Variants in FYB2 observed in about 807,000 individuals in gnomAD.
FYB2 encodes the protein FYN binding protein 2, also known as FYN-binding protein 2.
In FYB2, 103 loss-of-function variants were observed where a neutral mutation model predicts 94.1. That is an observed-to-expected ratio of 1.09 (90% CI 0.93 to 1.29). The LOEUF (loss-of-function observed/expected upper bound fraction) is 1.29. Among genes scored for constraint, FYB2 ranks in the 50% most tolerant of loss-of-function variants. The pLI is 0.00. For missense variants in FYB2, 896 were observed against 841.5 expected (o/e 1.06, Z -0.80); for synonymous variants, 293 against 287.9 (o/e 1.02, Z -0.18).
intron 4 of FYB2, 56 bp downstream of exon 4, chr1:56,787,119 C>G (rs1646148695): frequency 3.1e-6 from 5 of 1,593,024 alleles, no homozygotes; most frequent in Non-Finnish European, 4.3e-6. Flanking sequence ...CTGGAGCAGT[C>G]TAAGTAGCCT....
intron 9 of FYB2, among the ~76,000 whole-genome samples, chr1:56,746,842 T>C (rs1440082015): frequency 6.6e-6 from 1 of 152,068 alleles, no homozygotes; most frequent in Non-Finnish European, 1.5e-5. Context: ...TCATAGGATA[T>C]GCATTATGTT....
intron 6 of FYB2, 113 bp downstream of exon 6, chr1:56,758,603 A>T (rs1645414719): frequency 3.7e-6 from 3 of 820,228 alleles, no homozygotes; most frequent in Non-Finnish European, 5.4e-6. Flanking sequence ...CCTCAGAAAT[A>T]GGAGGAAAAA....
intron 1 of FYB2, among the ~76,000 whole-genome samples, chr1:56,809,040 T>C (rs1042673690): frequency 6.6e-6 from 1 of 152,222 alleles, no homozygotes; most frequent in Non-Finnish European, 1.5e-5. Context: ...ACAATAGTTC[T>C]ACATCACTAT....
chr1:56,761,820 C>T (rs1447603795), intron 5 of FYB2: 2 of 152,054 alleles, frequency 1.3e-5, no homozygotes, highest in African/African-American at 4.8e-5. Context: ...TCTCTCCCTG[C>T]CTCTTTGAAA....
chr1:56,743,277 T>C (rs1274942915), intron 11 of FYB2, among the ~76,000 whole-genome samples: 1 of 152,046 alleles, frequency 6.6e-6, no homozygotes, highest in African/African-American at 2.4e-5. Flanking sequence ...CTTGGCATTA[T>C]GCTAGGGGCT....
intron 17 of FYB2, among the ~76,000 whole-genome samples, chr1:56,723,155 C>A (rs1357343791): frequency 6.6e-6 from 1 of 151,830 alleles, no homozygotes; most frequent in Admixed American, 6.6e-5. Context: ...TTGAATGAGA[C>A]AGGGTTTCTT....
At chr1:56,785,588 TTG>T (rs1646115535) in intron 4 of FYB2, among the ~76,000 whole-genome samples, 1 of 152,244 alleles carries the variant, frequency 6.6e-6, no homozygotes, top group African/African-American at 2.4e-5. Context: ...TTGAATAAGA[TTG>T]TCTTATCAAT....
chr1:56,776,648 G>A (rs1645883160), intron 4 of FYB2, among the ~76,000 whole-genome samples: 1 of 152,044 alleles, frequency 6.6e-6, no homozygotes, highest in Admixed American at 6.6e-5. Flanking sequence ...CTTCTTTGAG[G>A]TGCACTAACA....
intron 6 of FYB2, among the ~76,000 whole-genome samples, chr1:56,758,030 T>C (rs1022718233): frequency 3.3e-5 from 5 of 151,588 alleles, no homozygotes; most frequent in Admixed American, 3.3e-4. Context: ...CTGTCTGCCT[T>C]GGCCTCCCAA....
intron 5 of FYB2, among the ~76,000 whole-genome samples, chr1:56,761,699 C>T (rs1055773202): frequency 3.9e-5 from 6 of 152,194 alleles, no homozygotes; most frequent in African/African-American, 1.4e-4. Flanking sequence ...CAAGGATGGT[C>T]TTCCCTGTTT....
chr1:56,754,875 T>A (rs930671155), intron 7 of FYB2, among the ~76,000 whole-genome samples: 1 of 152,078 alleles, frequency 6.6e-6, no homozygotes, highest in African/African-American at 2.4e-5. Context: ...GACCTGTGCC[T>A]TACCATGTGA....
rs948030448 is a variant in FYB2, at chr1:56,789,503, T to C, written c.758-369A>G. ...TTTAGATAGCCTTAAAAAGCTCTCA[T>C]ATATCCAAAATTTTGTTCATGTTTT... On this transcript the variant is annotated intron_variant, in intron 2 of 19. Coordinates refer to ENST00000343433, the MANE Select transcript of FYB2 (RefSeq NM_001004303.5). Among the ~76,000 whole-genome samples, 4 of 152,240 alleles carry C rather than the reference T, an allele frequency of 2.6e-5. No individual in the cohort carries two copies. In the East Asian group the frequency reaches 5.8e-4, roughly 22 times the overall value.
chr1:56,804,857 C>A (rs1411070229), intron 1 of FYB2, among the ~76,000 whole-genome samples: 1 of 152,196 alleles, frequency 6.6e-6, no homozygotes, highest in African/African-American at 2.4e-5. Context: ...CTTAGCCAAA[C>A]ACATAAGGTC....
chr1:56,797,346 A>C (rs1430003047), intron 1 of FYB2, among the ~76,000 whole-genome samples: 1 of 152,186 alleles, frequency 6.6e-6, no homozygotes, highest in African/African-American at 2.4e-5. Context: ...CCTGGTGAGC[A>C]GCTAAAGGCA....
chr1:56,824,615 A>AGGTATGT (rs1258232839), upstream of FYB2: 4 of 152,254 alleles, frequency 2.6e-5, no homozygotes, highest in African/African-American at 9.6e-5. Flanking sequence ...GACTTAAGGC[A>AGGTATGT]GGTATGTGCA....
intron 4 of FYB2, among the ~76,000 whole-genome samples, chr1:56,771,611 G>A (rs1645756737): frequency 6.6e-6 from 1 of 152,136 alleles, no homozygotes; most frequent in Admixed American, 6.6e-5. Context: ...GGGGACTAGA[G>A]TTAGGGTTAG....
Position 56,792,579 on chromosome 1 carries a change from T to C in FYB2, c.234A>G (p.Lys78=). The C allele has an allele frequency of 1.2e-6, 2 of 1,614,136 alleles. No individual in the cohort carries two copies. The highest frequency in any genetic ancestry group is 1.7e-6 in the Non-Finnish European group (2 of 1,179,994). The change falls in exon 2 of 20, where the codon AAA becomes AAG. Residue 78 remains lysine (K), a synonymous_variant. Transcript: ENST00000343433. ...TTTCACTCTTCTGAGCCAACTTTAT[T>C]TTCTGAGGTTGAAGAGGCTGGGACT... ...SSESQPLQPQ[K]IKLAQKSEIP... is the part of the protein sequence containing the mutation.
In FYB2 at chr1:56,738,919, C is replaced by T. The variant is rs79994085; in HGVS notation, c.1704-266G>A. The stretch of plus-strand genomic sequence containing the variant: ...CATTCAATAAGGGACAATATTTGAT[C>T]GAATTTTAAGGGAAAACTAGAACTT... On this transcript the variant is annotated intron_variant, in intron 13 of 19. Transcript: ENST00000343433. Among the ~76,000 whole-genome samples, 255 of 152,114 alleles carry T rather than the reference C, an allele frequency of 1.7e-3. 2 individuals are homozygous for T. Among genetic ancestry groups the T allele is most frequent in the African/African-American group, 5.8e-3 (241 of 41,520 alleles).
At chr1:56,762,074 A>G (rs1570046618) in intron 5 of FYB2, 1 of 152,188 alleles carries the variant, frequency 6.6e-6, no homozygotes, top group Non-Finnish European at 1.5e-5. Context: ...TGAATTCTCA[A>G]TTCTGTTCCA....
Sources: allele counts gnomAD v4.1 joint callset (sites outside exome capture counted in the v4.1 genomes callset), GRCh38; gene constraint gnomAD v4.1.1; transcripts MANE v1.5; gene names NCBI Gene and HGNC (gene_info 2026-07-23, HGNC 2026-07-21).